The following FNDC3B variants were observed in gnomAD, a reference collection of about 807,000 sequenced individuals.
FNDC3B encodes fibronectin type III domain containing 3B.
A neutral mutation model predicts 151.5 loss-of-function variants in FNDC3B; 12 were observed. The observed-to-expected ratio is 0.08, with a 90% CI of 0.05 to 0.13. The LOEUF is 0.13. Ranked by LOEUF, FNDC3B falls within the 10% of genes least tolerant of loss-of-function variation. FNDC3B has a pLI of 1.00. For synonymous variants in FNDC3B, 528 were observed against 549.0 expected (o/e 0.96, Z 0.54); for missense variants, 1,214 against 1,505.3 (o/e 0.81, Z 3.20).
intron 3 of FNDC3B, among the ~76,000 whole-genome samples, chr3:172,177,983 G>C (rs1723697024): frequency 6.6e-6 from 1 of 152,074 alleles, no homozygotes; most frequent in Admixed American, 6.5e-5. Flanking sequence ...AGTTTGCTGA[G>C]GATGATGCTT....
chr3:172,046,668 A>G (rs1016739639), intron 1 of FNDC3B, among the ~76,000 whole-genome samples: 2 of 152,050 alleles, frequency 1.3e-5, no homozygotes, highest in Non-Finnish European at 1.5e-5. Flanking sequence ...ATCAGTTTCA[A>G]ATAACCATTT....
At chr3:172,186,750 C>T (rs1387946056) in intron 3 of FNDC3B, 5 of 702,162 alleles carry the variant, frequency 7.1e-6, no homozygotes, top group Non-Finnish European at 1.3e-5. Flanking sequence ...AAGATTTTTT[C>T]ATCTCAGCTT....
chr3:172,213,972 G>A (rs905739438), intron 3 of FNDC3B, among the ~76,000 whole-genome samples: 1 of 149,224 alleles, frequency 6.7e-6, no homozygotes, highest in African/African-American at 2.5e-5. Flanking sequence ...TTGTTTCTGT[G>A]GAGGCAATGT....
intron 1 of FNDC3B, among the ~76,000 whole-genome samples, chr3:172,044,283 CTTTTTT>C (rs767357950): frequency 1.8e-5 from 2 of 110,416 alleles, no homozygotes; most frequent in Non-Finnish European, 3.7e-5. Flanking sequence ...AATTCCAACT[CTTTTTT>C]TTTTTTTTTT....
In FNDC3B at chr3:172,394,751, T is replaced by C. The variant is rs376389464; in HGVS notation, c.3304-2413T>C. On this transcript the variant is annotated intron_variant, in intron 25 of 25. Coordinates refer to ENST00000415807, the MANE Select transcript of FNDC3B (RefSeq NM_022763.4). ...CTTTTTTGCAAGGCCAGCATCATCCTCATATCAAAGGCAGGCAAGGCCATT... is the reference window on the plus strand; with the variant it reads ...CTTTTTTGCAAGGCCAGCATCATCCCCATATCAAAGGCAGGCAAGGCCATT... 6.6e-5 allele frequency among the ~76,000 whole-genome samples: 10 copies of C among 152,300 alleles called. No homozygotes were observed. The South Asian group carries it at 1.7e-3, about 25-fold the overall frequency.
At chr3:172,192,691 A>G (rs1327625529) in intron 3 of FNDC3B, among the ~76,000 whole-genome samples, 5 of 152,126 alleles carry the variant, frequency 3.3e-5, no homozygotes, top group Non-Finnish European at 7.4e-5. Flanking sequence ...GTCTTATTTT[A>G]TAAATGTTGA....
intron 4 of FNDC3B, among the ~76,000 whole-genome samples, chr3:172,231,879 G>T (rs1435763390): frequency 1.1e-4 from 11 of 104,500 alleles, no homozygotes; most frequent in South Asian, 3.5e-4. Context: ...TTTATTTACC[G>T]TTTTTTTTTT....
chr3:172,350,298 A>G (rs1396513435), intron 21 of FNDC3B, among the ~76,000 whole-genome samples: 1 of 152,200 alleles, frequency 6.6e-6, no homozygotes, highest in African/African-American at 2.4e-5. Context: ...CAGAGAAATT[A>G]ACTAACCTAA....
chr3:172,098,180 T>G (rs1003818264), intron 1 of FNDC3B, among the ~76,000 whole-genome samples: 17 of 152,178 alleles, frequency 1.1e-4, no homozygotes, highest in African/African-American at 4.1e-4. Flanking sequence ...ATCAACACAT[T>G]TTTTTAAAGA....
At chr3:172,091,442 G>T (rs1038671132) in intron 1 of FNDC3B, among the ~76,000 whole-genome samples, 2 of 152,150 alleles carry the variant, frequency 1.3e-5, no homozygotes, top group African/African-American at 4.8e-5. Context: ...CCCTTAATTT[G>T]CAGATGTATG....
chr3:172,112,351 G>A (rs1253939404), intron 1 of FNDC3B, 101 bp from the exon 2 acceptor site: 1 of 693,960 alleles, frequency 1.4e-6, no homozygotes, highest in Non-Finnish European at 2.7e-6. Context: ...AGAATAACTT[G>A]GGTTTCACGA....
In FNDC3B at chr3:172,269,747, C is replaced by T. The variant is rs150968671; in HGVS notation, c.791-16179C>T. On this transcript the variant is annotated intron_variant, in intron 6 of 25. Transcript: ENST00000415807. ...GCAACCTCCACCTCTCGGGTTCAAGCGGTTATCCTGCCTCAGCCTCCCAAG... is the reference window on the plus strand; with the variant it reads ...GCAACCTCCACCTCTCGGGTTCAAGTGGTTATCCTGCCTCAGCCTCCCAAG... 9.9e-5 allele frequency among the ~76,000 whole-genome samples: 15 copies of T among 152,032 alleles called. No individual in the cohort carries two copies. The South Asian group carries it at 1.5e-3, about 15-fold the overall frequency.
intron 1 of FNDC3B, among the ~76,000 whole-genome samples, chr3:172,064,338 C>T (rs1382844782): frequency 6.6e-6 from 1 of 152,042 alleles, no homozygotes. Context: ...TGTAATTACC[C>T]AGGCTAAGGT....
At chr3:172,093,994 C>T (rs1718976325) in intron 1 of FNDC3B, among the ~76,000 whole-genome samples, 1 of 152,134 alleles carries the variant, frequency 6.6e-6, no homozygotes, top group Non-Finnish European at 1.5e-5. Flanking sequence ...GTTATGCAAC[C>T]ACCACCACTA....
At chr3:172,297,810 C>A (rs1730716891) in intron 8 of FNDC3B, among the ~76,000 whole-genome samples, 1 of 152,156 alleles carries the variant, frequency 6.6e-6, no homozygotes, top group Non-Finnish European at 1.5e-5. Flanking sequence ...TGGTCCCTTA[C>A]TACAAAATAC....
At chr3:172,307,180 T>G in intron 9 of FNDC3B, 183 bp from the exon 10 acceptor site, 1 of 597,890 alleles carries the variant, frequency 1.7e-6, no homozygotes. Flanking sequence ...CCTGTTGGGA[T>G]GACTGTCCCC....
chr3:172,046,378 G>T (rs146440039), intron 1 of FNDC3B, among the ~76,000 whole-genome samples: 192 of 152,074 alleles, frequency 1.3e-3, no homozygotes, highest in Admixed American at 3.5e-3. Context: ...CTGCTGGAGT[G>T]CAGTGGCTCT....
chr3:172,191,021 T>C (rs1724484099), intron 3 of FNDC3B, among the ~76,000 whole-genome samples: 1 of 152,248 alleles, frequency 6.6e-6, no homozygotes, highest in Non-Finnish European at 1.5e-5. Flanking sequence ...CTTGAAATTA[T>C]CTTTATATTT....
chr3:172,311,284 T>C (rs1163148884), intron 11 of FNDC3B, among the ~76,000 whole-genome samples: 1 of 152,210 alleles, frequency 6.6e-6, no homozygotes, highest in African/African-American at 2.4e-5. Flanking sequence ...GAATGCCATG[T>C]ATGTACTTTG....
Sources: gnomAD v4.1 joint callset for allele counts (sites outside exome capture counted in the v4.1 genomes callset) on GRCh38, gnomAD v4.1.1 for gene constraint, MANE v1.5 for transcripts, NCBI Gene and HGNC (gene_info 2026-07-23, HGNC 2026-07-21) for gene names.